CBL: variants seen among roughly 807,000 people sequenced by gnomAD.
CBL encodes the protein Cbl proto-oncogene.
CBL carries 45 observed loss-of-function variants against 96.9 expected under a neutral mutation model. That is an observed-to-expected ratio of 0.46 (90% CI 0.37 to 0.60). The LOEUF is 0.60. Among genes scored for constraint, CBL ranks in the 20% least tolerant of loss-of-function variants. CBL has a pLI of 0.00. For missense variants in CBL, 1,024 were observed against 1,143.5 expected (o/e 0.90, Z 1.51); for synonymous variants, 420 against 426.8 (o/e 0.98, Z 0.20).
Position 119,306,245 on chromosome 11 carries a change from A to G in CBL, c.*6464A>G. 1 of 398,524 alleles carries G rather than the reference A, an allele frequency of 2.5e-6. No individual in the cohort carries two copies. The highest frequency in any genetic ancestry group is 4.4e-6 in the Non-Finnish European group (1 of 226,058). The allele number at this position is 398,524 out of a possible 1,614,324, so 24.7% of individuals were successfully genotyped here. ...TCTTGCCGCCCCTTCCTGGGTACAG[A>G]GCTTGAGAAAAATGCAGCCGACCAC... On this transcript the variant is annotated 3_prime_UTR_variant, in exon 16 of 16. Transcript: ENST00000264033.
intron 13 of CBL, 23 bp downstream of exon 13, chr11:119,297,057 T>G (rs2135319964): frequency 8.0e-7 from 1 of 1,247,182 alleles, no homozygotes; most frequent in Non-Finnish European, 1.2e-6. Context: ...CAACCCTTTT[T>G]GGGCCCTATA....
chr11:119,294,684 G>T (rs1215350096), intron 12 of CBL, among the ~76,000 whole-genome samples: 1 of 151,788 alleles, frequency 6.6e-6, no homozygotes, highest in Admixed American at 6.6e-5. Context: ...CCAGCTGCTC[G>T]GTAGGCTGAG....
chr11:119,217,464 G>A (rs1270989182), intron 1 of CBL, among the ~76,000 whole-genome samples: 1 of 152,182 alleles, frequency 6.6e-6, no homozygotes, highest in East Asian at 1.9e-4. Context: ...ACTGTGTCAA[G>A]TAATTTCTTA....
chr11:119,269,186 C>A (rs1949824805), intron 2 of CBL, among the ~76,000 whole-genome samples: 1 of 149,106 alleles, frequency 6.7e-6, no homozygotes, highest in Admixed American at 6.7e-5. Context: ...AAACAATAAT[C>A]AAAGGATCTC....
chr11:119,278,324 C>T (rs2135303987), intron 8 of CBL, 27 bp downstream of exon 8: 1 of 1,613,430 alleles, frequency 6.2e-7, no homozygotes, highest in Non-Finnish European at 8.5e-7. Flanking sequence ...CGACTTTTTT[C>T]AGCTATGTAA....
intron 8 of CBL, 92 bp downstream of exon 8, chr11:119,278,389 G>C (rs1161689355): frequency 6.4e-7 from 1 of 1,551,982 alleles, no homozygotes; most frequent in Non-Finnish European, 8.9e-7. Context: ...GGGTGGCCTG[G>C]CTTTTGGGGT....
chr11:119,229,733 T>C (rs889905665), intron 1 of CBL, among the ~76,000 whole-genome samples: 2 of 79,850 alleles, frequency 2.5e-5, no homozygotes, highest in African/African-American at 8.2e-5. Context: ...TGTGTTTTGT[T>C]TTTTTTTTTT....
Position 119,273,977 on chromosome 11 carries a change from G to T in CBL, c.700G>T (p.Asp234Tyr). 1 of 1,613,496 alleles carries T rather than the reference G, an allele frequency of 6.2e-7. No individual in the cohort carries two copies. Among genetic ancestry groups the T allele is most frequent in the Non-Finnish European group, 8.5e-7 (1 of 1,179,694 alleles). ...ATCCACTATTGATCTGACCTGCAATGATTATATTTCGGTTTTTGAATTTGA... is the reference window on the plus strand; with the variant it reads ...ATCCACTATTGATCTGACCTGCAATTATTATATTTCGGTTTTTGAATTTGA... The part of the protein sequence containing the change: ...LKSTIDLTCN[D>Y]YISVFEFDIF... Residue 234 changes from aspartate to tyrosine, a missense_variant, in exon 4 of 16, where the codon GAT (aspartate) becomes TAT (tyrosine). Asp to Tyr is a radical substitution (Grantham distance 160). This residue lies in a region of CBL where 192 missense variants were observed against 321.8 expected (regional missense o/e 0.60). Coordinates refer to ENST00000264033, the MANE Select transcript of CBL (RefSeq NM_005188.4).
At chr11:119,217,687 AT>A (rs1054990162) in intron 1 of CBL, among the ~76,000 whole-genome samples, 9 of 150,118 alleles carry the variant, frequency 6.0e-5, no homozygotes, top group African/African-American at 7.3e-5. Context: ...AGCTTGGCGG[AT>A]TTTTTTTTTA....
intron 2 of CBL, among the ~76,000 whole-genome samples, chr11:119,270,900 A>G (rs558905791): frequency 5.3e-5 from 8 of 152,330 alleles, no homozygotes; most frequent in South Asian, 2.1e-4. Context: ...CTTTATAACC[A>G]TATCCATTAA....
intron 1 of CBL, among the ~76,000 whole-genome samples, chr11:119,214,478 G>T (rs979109521): frequency 4.6e-5 from 7 of 151,992 alleles, no homozygotes. Context: ...CAAACTTCTG[G>T]CCTCAAGTGA....
intron 2 of CBL, among the ~76,000 whole-genome samples, chr11:119,246,784 G>A (rs575387346): frequency 1.3e-3 from 198 of 152,288 alleles, no homozygotes; most frequent in African/African-American, 4.7e-3. Context: ...TAGTTGCAGT[G>A]TGCAACTGCT....
chr11:119,276,164 AG>A, intron 6 of CBL, 30 bp downstream of exon 6: 1 of 1,613,288 alleles, frequency 6.2e-7, no homozygotes. Context: ...CATCTGTTAG[AG>A]TCTGGGAACT....
intron 4 of CBL, among the ~76,000 whole-genome samples, chr11:119,274,515 T>C (rs1949873539): frequency 1.3e-5 from 2 of 152,228 alleles, no homozygotes; most frequent in African/African-American, 2.4e-5. Context: ...TTGGAACTTA[T>C]TAGTTGCACC....
intron 2 of CBL, among the ~76,000 whole-genome samples, chr11:119,246,714 A>G (rs1218569653): frequency 6.6e-6 from 1 of 152,204 alleles, no homozygotes; most frequent in Non-Finnish European, 1.5e-5. Flanking sequence ...GGCCTCCCAA[A>G]GTGTTGGGAT....
At chr11:119,243,668 G>A (rs969820990) in intron 2 of CBL, among the ~76,000 whole-genome samples, 9 of 151,772 alleles carry the variant, frequency 5.9e-5, no homozygotes, top group Admixed American at 4.6e-4. Flanking sequence ...AAATAACAAC[G>A]GTAAGTATTA....
chr11:119,257,423 A>C (rs191912619), intron 2 of CBL, among the ~76,000 whole-genome samples: 1 of 151,998 alleles, frequency 6.6e-6, no homozygotes, highest in Non-Finnish European at 1.5e-5. Context: ...AGAAATGCCT[A>C]TTTATGTTGT....
At chr11:119,263,953 T>G (rs959484202) in intron 2 of CBL, among the ~76,000 whole-genome samples, 2 of 152,216 alleles carry the variant, frequency 1.3e-5, no homozygotes, top group African/African-American at 4.8e-5. Context: ...AAAGCAGTGA[T>G]CATGTTACCC....
chr11:119,297,096 C>T, intron 13 of CBL, 62 bp downstream of exon 13: 2 of 880,848 alleles, frequency 2.3e-6, no homozygotes, highest in Non-Finnish European at 3.9e-6. Context: ...ACACCCTTCA[C>T]CTGCTTGGCT....
Sources: allele counts gnomAD v4.1 joint callset (sites outside exome capture counted in the v4.1 genomes callset), GRCh38; gene constraint gnomAD v4.1.1; regional missense constraint gnomAD v4.1.1; transcripts MANE v1.5; gene names NCBI Gene and HGNC (gene_info 2026-07-23, HGNC 2026-07-21).